LRP1B: variants seen among roughly 807,000 people sequenced by gnomAD.
LRP1B encodes low-density lipoprotein receptor-related protein 1B.
In LRP1B, 217 loss-of-function variants were observed where a neutral mutation model predicts 556.6. That is an observed-to-expected ratio of 0.39 (90% CI 0.35 to 0.44). The LOEUF (loss-of-function observed/expected upper bound fraction) is 0.44, where lower values mean the gene tolerates loss of function less well. Ranked by LOEUF, LRP1B falls within the 20% of genes least tolerant of loss-of-function variation. The pLI is 1.00. For synonymous variants in LRP1B, 2,047 were observed against 1,865.8 expected, an observed-to-expected ratio of 1.10 and a Z score of -2.50; for missense variants, 5,053 against 5,620.8, an observed-to-expected ratio of 0.90 and a Z score of 3.23.
At chr2:140,584,280 C>A (rs1354671769) in intron 43 of LRP1B, among the ~76,000 whole-genome samples, 1 of 151,656 alleles carries the variant, frequency 6.6e-6, no homozygotes, top group Non-Finnish European at 1.5e-5. Flanking sequence ...AACTACTTTT[C>A]CTTTTATCTG....
At chr2:141,077,500 A>C (rs1158854188) in intron 7 of LRP1B, among the ~76,000 whole-genome samples, 1 of 152,120 alleles carries the variant, frequency 6.6e-6, no homozygotes, top group Non-Finnish European at 1.5e-5. Context: ...TAATTTGGCA[A>C]GGTGTGGTCC....
intron 66 of LRP1B, among the ~76,000 whole-genome samples, chr2:140,397,153 C>G (rs1233875294): frequency 6.6e-6 from 1 of 152,010 alleles, no homozygotes; most frequent in East Asian, 1.9e-4. Flanking sequence ...AATTATCAAG[C>G]CTATAAAATT....
chr2:140,324,908 A>G (rs1414900311), intron 80 of LRP1B, among the ~76,000 whole-genome samples: 6 of 151,718 alleles, frequency 4.0e-5, no homozygotes, highest in Admixed American at 2.0e-4. Flanking sequence ...ATTGATTAAA[A>G]AAAAAACACA....
chr2:141,779,843 C>G (rs1206228137), intron 2 of LRP1B, among the ~76,000 whole-genome samples: 2 of 151,638 alleles, frequency 1.3e-5, no homozygotes. Context: ...TTCCAAAGGT[C>G]ACTGATATTT....
chr2:141,428,988 G>A (rs972810219), intron 3 of LRP1B, among the ~76,000 whole-genome samples: 6 of 152,134 alleles, frequency 3.9e-5, no homozygotes, highest in Non-Finnish European at 7.3e-5. Flanking sequence ...GGCTGATCAG[G>A]AATCTCTCGG....
intron 1 of LRP1B, among the ~76,000 whole-genome samples, chr2:141,931,337 T>C (rs1700498596): frequency 6.6e-6 from 1 of 151,964 alleles, no homozygotes; most frequent in South Asian, 2.1e-4. Flanking sequence ...AGGAATTACA[T>C]GACTGCAAGA....
intron 7 of LRP1B, among the ~76,000 whole-genome samples, chr2:141,066,375 A>G (rs1243066854): frequency 4.6e-5 from 7 of 151,988 alleles, no homozygotes. Context: ...TTCGAGTATT[A>G]TTGGTAAACT....
chr2:140,601,626 C>A lies in LRP1B; in HGVS notation c.6813G>T (p.Val2271=), dbSNP rs2105199569. The A allele has an allele frequency of 1.3e-6, 2 of 1,583,378 alleles. No homozygotes were observed. Among genetic ancestry groups the A allele is most frequent in the Non-Finnish European group, 1.7e-6 (2 of 1,161,626 alleles). ...RQVIVENVGS[V]EGLAYHRAWD... ...AGGCTCTGTGATAGGCAAGTCCTTC[C>A]ACAGAACCCACATCTAGTGGGGGAA... is the stretch of plus-strand genomic sequence containing the variant. The change falls in exon 42 of 91, where the codon GTG becomes GTT. Residue 2271 remains valine (V), a synonymous_variant. Transcript: ENST00000389484.
At chr2:142,039,081 C>G (rs1451414246) in intron 1 of LRP1B, among the ~76,000 whole-genome samples, 2 of 151,516 alleles carry the variant, frequency 1.3e-5, no homozygotes, top group East Asian at 1.9e-4. Flanking sequence ...ACCAACATTT[C>G]TGACACAGCC....
At chr2:141,342,919 C>T (rs1046506630) in intron 3 of LRP1B, among the ~76,000 whole-genome samples, 2 of 152,004 alleles carry the variant, frequency 1.3e-5, no homozygotes, top group South Asian at 2.1e-4. Context: ...GACACGTAAT[C>T]GTCAGATTCA....
chr2:141,517,191 C>T (rs112516337), intron 2 of LRP1B, among the ~76,000 whole-genome samples: 116 of 149,468 alleles, frequency 7.8e-4, no homozygotes, highest in African/African-American at 2.6e-3. Flanking sequence ...CAAAACAAAA[C>T]GTGCATTTAA....
chr2:141,929,325 A>G (rs1473950354), intron 1 of LRP1B, among the ~76,000 whole-genome samples: 1 of 152,130 alleles, frequency 6.6e-6, no homozygotes, highest in Non-Finnish European at 1.5e-5. Flanking sequence ...ACAAAATGTC[A>G]ACAATGCACT....
rs750981296 is a variant in LRP1B, at chr2:141,915,635, G to GA, written c.83-105235dup. On this transcript the variant is annotated intron_variant, in intron 1 of 90. Transcript: ENST00000389484. ...TGCACAGCAAAAGAAACTATCAACA[G>GA]AAGAAACAGACCAACTAAAGAATGA... Among the ~76,000 whole-genome samples, 211 of 152,206 alleles carry GA rather than the reference G, an allele frequency of 1.4e-3. 2 individuals carry two copies. The highest frequency in any genetic ancestry group is 5.0e-3 in the African/African-American group (207 of 41,544).
chr2:140,448,795 CAT>C (rs1236404137), intron 63 of LRP1B, among the ~76,000 whole-genome samples: 1 of 151,968 alleles, frequency 6.6e-6, no homozygotes, highest in Non-Finnish European at 1.5e-5. Flanking sequence ...TGATGTAATG[CAT>C]ATGTTAAATA....
intron 83 of LRP1B, among the ~76,000 whole-genome samples, chr2:140,302,790 A>T (rs1683889036): frequency 6.6e-6 from 1 of 151,956 alleles, no homozygotes; most frequent in East Asian, 1.9e-4. Flanking sequence ...GAGCATTCAG[A>T]CTCAAAGACT....
At chr2:141,676,246 G>C (rs774633356) in intron 2 of LRP1B, among the ~76,000 whole-genome samples, 2 of 151,942 alleles carry the variant, frequency 1.3e-5, no homozygotes, top group Admixed American at 1.3e-4. Flanking sequence ...ATTCATGTTT[G>C]TATCCCCAGT....
chr2:141,343,401 A>G (rs1468131620), intron 3 of LRP1B, among the ~76,000 whole-genome samples: 1 of 152,212 alleles, frequency 6.6e-6, no homozygotes, highest in Non-Finnish European at 1.5e-5. Context: ...AGTCCTAAGT[A>G]TGAATCAAAT....
intron 27 of LRP1B, among the ~76,000 whole-genome samples, chr2:140,854,965 A>T (rs946401427): frequency 6.6e-6 from 1 of 152,190 alleles, no homozygotes; most frequent in Non-Finnish European, 1.5e-5. Context: ...ATCTTAACAG[A>T]TGAAATATAA....
chr2:140,329,187 C>CCACA (rs891310297), intron 79 of LRP1B, among the ~76,000 whole-genome samples: 1 of 151,992 alleles, frequency 6.6e-6, no homozygotes, highest in Non-Finnish European at 1.5e-5. Flanking sequence ...CTCCCCTGTA[C>CCACA]CACACACTGC....
Sources: allele counts gnomAD v4.1 joint callset (sites outside exome capture counted in the v4.1 genomes callset), GRCh38; gene constraint gnomAD v4.1.1; transcripts MANE v1.5; gene names NCBI Gene and HGNC (gene_info 2026-07-23, HGNC 2026-07-21).